PHIP: variants seen among roughly 807,000 people sequenced by gnomAD.
PHIP encodes PH-interacting protein.
A neutral mutation model predicts 236.8 loss-of-function variants in PHIP; 54 were observed. That is an observed-to-expected ratio of 0.23 (90% CI 0.18 to 0.29). The LOEUF (loss-of-function observed/expected upper bound fraction) is 0.29. PHIP is among the 10% of genes least tolerant of loss of function. The pLI is 1.00. For synonymous variants in PHIP, 756 were observed against 718.9 expected (o/e 1.05, Z -0.83); for missense variants, 1,370 against 2,190.8 (o/e 0.63, Z 7.48).
chr6:78,948,897 T>C (rs1399984269), intron 35 of PHIP, among the ~76,000 whole-genome samples: 1 of 152,242 alleles, frequency 6.6e-6, no homozygotes, highest in Non-Finnish European at 1.5e-5. Context: ...CGTCTGACCA[T>C]GAAGAAGGTG....
rs547574725 is a variant in PHIP at position 78,988,827 on chromosome 6, T to C, written c.2320-478A>G. Among the ~76,000 whole-genome samples the C allele has an allele frequency of 2.0e-5, 3 of 151,714 alleles. No homozygotes were observed. The East Asian group carries it at 5.8e-4, about 29-fold the overall frequency. On this transcript the variant is annotated intron_variant, in intron 20 of 39. Coordinates refer to ENST00000275034, the MANE Select transcript of PHIP (RefSeq NM_017934.7). ...CTCTTCTGTATCTACATCAAACCTA[T>C]AGAAATGATGTAAGAAAAAGGATAA...
chr6:78,996,972 T>C (rs1370941514), intron 19 of PHIP, among the ~76,000 whole-genome samples: 1 of 151,068 alleles, frequency 6.6e-6, no homozygotes, highest in Admixed American at 6.6e-5. Context: ...CTTTTAAATA[T>C]AAATATTTTA....
intron 23 of PHIP, among the ~76,000 whole-genome samples, chr6:78,982,359 G>C (rs191177616): frequency 1.2e-4 from 18 of 151,986 alleles, no homozygotes; most frequent in African/African-American, 4.3e-4. Context: ...ACTGACCAAA[G>C]GACTGAAAAC....
rs1773422269 is a variant in PHIP, at chr6:78,940,273, T to G, written c.*420A>C. 1 of 151,952 alleles carries G rather than the reference T, an allele frequency of 6.6e-6. No individual in the cohort carries two copies. Among genetic ancestry groups the G allele is most frequent in the South Asian group, 2.1e-4 (1 of 4,830 alleles). 9.4% of individuals were successfully genotyped at this position (151,952 alleles called of 1,614,324 possible). ...GGCATGACTTGTATCAATAGAAATG[T>G]ACCTCACTTGGTCAAAAATAATTCA... On this transcript the variant is annotated 3_prime_UTR_variant, in exon 40 of 40. Coordinates refer to ENST00000275034, the MANE Select transcript of PHIP (RefSeq NM_017934.7).
At chr6:79,018,817 G>C (rs1304953171) in intron 10 of PHIP, among the ~76,000 whole-genome samples, 3 of 151,696 alleles carry the variant, frequency 2.0e-5, no homozygotes, top group Non-Finnish European at 4.4e-5. Context: ...TCTTTAACAG[G>C]GTCGATTTTG....
chr6:79,050,115 A>C (rs1772712655), intron 6 of PHIP, among the ~76,000 whole-genome samples: 1 of 152,038 alleles, frequency 6.6e-6, no homozygotes, highest in Non-Finnish European at 1.5e-5. Flanking sequence ...GACTTCAAGA[A>C]TCTGACGATT....
In PHIP at chr6:78,990,472, A is replaced by G. The variant is rs141495963; in HGVS notation, c.2319+396T>C. Among the ~76,000 whole-genome samples, 848 of 152,314 alleles carry G rather than the reference A, an allele frequency of 5.6e-3. 6 individuals are homozygous for G. Among genetic ancestry groups the G allele is most frequent in the African/African-American group, 0.02 (824 of 41,578 alleles). ...AATGAGAAATATTATCTATAGCAGC[A>G]TTAGCTGACTTGATTATCTAGAATA... On this transcript the variant is annotated intron_variant, in intron 20 of 39. Coordinates refer to ENST00000275034, the MANE Select transcript of PHIP (RefSeq NM_017934.7).
At chr6:79,016,111 T>C (rs1770821999) in intron 13 of PHIP, among the ~76,000 whole-genome samples, 1 of 151,958 alleles carries the variant, frequency 6.6e-6, no homozygotes. Context: ...CTGCTGACTG[T>C]TCTGCTTTCC....
intron 15 of PHIP, among the ~76,000 whole-genome samples, chr6:79,011,391 C>T (rs996356037): frequency 2.0e-5 from 3 of 151,860 alleles, no homozygotes; most frequent in East Asian, 1.9e-4. Flanking sequence ...GGTTTCTTCT[C>T]CTGTTCACTT....
rs1051717103 is a variant in PHIP, at chr6:78,934,926, T to C, written c.*5767A>G. 6.6e-6 allele frequency among the ~76,000 whole-genome samples: 1 copy of C among 152,206 alleles called. No homozygotes were observed. Among genetic ancestry groups the C allele is most frequent in the Non-Finnish European group, 1.5e-5 (1 of 68,022 alleles). On this transcript the variant is annotated 3_prime_UTR_variant, in exon 40 of 40. Coordinates refer to ENST00000275034, the MANE Select transcript of PHIP (RefSeq NM_017934.7). ...TCATTGAATGACTTCCACCATTCTT[T>C]TCCCAAAGACTAATCAGTAAGTGGT...
intron 15 of PHIP, among the ~76,000 whole-genome samples, chr6:79,008,064 G>GGA (rs1325183579): frequency 5.5e-5 from 1 of 18,048 alleles, no homozygotes; most frequent in Non-Finnish European, 1.6e-4. Context: ...GAGGCAGGCA[G>GGA]GAAATCACCT....
At chr6:78,963,823 G>C (rs1387054445) in intron 29 of PHIP, among the ~76,000 whole-genome samples, 1 of 152,134 alleles carries the variant, frequency 6.6e-6, no homozygotes, top group East Asian at 1.9e-4. Context: ...AAACGTGCTA[G>C]GTAATTTTTC....
At chr6:79,018,948 C>A in intron 10 of PHIP, 141 bp downstream of exon 10, 1 of 560,718 alleles carries the variant, frequency 1.8e-6, no homozygotes. Context: ...TAATAATTCT[C>A]AGTTACTTAT....
chr6:78,945,551 G>A (rs1471356681), intron 38 of PHIP, 54 bp from the exon 39 acceptor site: 9 of 1,096,580 alleles, frequency 8.2e-6, no homozygotes, highest in Admixed American at 6.0e-5. Context: ...CTAAAGATAA[G>A]AAAAAAGGTT....
intron 18 of PHIP, among the ~76,000 whole-genome samples, 180 bp from the exon 19 acceptor site, chr6:78,997,777 G>T (rs1188033990): frequency 6.6e-6 from 1 of 151,934 alleles, no homozygotes; most frequent in Non-Finnish European, 1.5e-5. Flanking sequence ...ACAAAACATG[G>T]TTATTCAGTT....
At chr6:79,049,250 C>T (rs956845202) in intron 6 of PHIP, among the ~76,000 whole-genome samples, 2 of 151,736 alleles carry the variant, frequency 1.3e-5, no homozygotes, top group African/African-American at 4.8e-5. Context: ...TTAGTAGAGA[C>T]GGGGTTTCAC....
chr6:79,002,032 A>C lies in PHIP; in HGVS notation c.1746T>G (p.Pro582=), dbSNP rs1487185574. 6.2e-7 allele frequency: 1 copy of C among 1,613,258 alleles called. No individual in the cohort carries two copies. The highest frequency in any genetic ancestry group is 2.2e-5 in the East Asian group (1 of 44,844). The change falls in exon 17 of 40, where the codon CCT becomes CCG. Residue 582 remains proline (P), a synonymous_variant. Coordinates refer to ENST00000275034, the MANE Select transcript of PHIP (RefSeq NM_017934.7). ...FVLDEQTQQA[P]HLMPPPFLVD... ...CCAAAAAAGGGGGAGGCATAAGATG[A>C]GGTGCTTGCTGAGTCTGTTCATCTA...
chr6:78,999,980 A>G (rs1049915120), intron 17 of PHIP, among the ~76,000 whole-genome samples: 16 of 152,054 alleles, frequency 1.1e-4, no homozygotes, highest in Non-Finnish European at 2.2e-4. Flanking sequence ...TTACAACTGA[A>G]AAAAACACAT....
chr6:79,009,461 A>ACAG (rs1233805256), intron 15 of PHIP, among the ~76,000 whole-genome samples: 5 of 152,092 alleles, frequency 3.3e-5, no homozygotes, highest in African/African-American at 1.2e-4. Context: ...ATCTTAAGAT[A>ACAG]CAGCAACTGT....
Sources: gnomAD v4.1 joint callset for allele counts (sites outside exome capture counted in the v4.1 genomes callset) on GRCh38, gnomAD v4.1.1 for gene constraint, MANE v1.5 for transcripts, NCBI Gene and HGNC (gene_info 2026-07-23, HGNC 2026-07-21) for gene names.